FAM20C: variants seen among roughly 807,000 people sequenced by gnomAD.
FAM20C encodes extracellular serine/threonine protein kinase FAM20C.
FAM20C carries 40 observed loss-of-function variants against 51.5 expected under a neutral mutation model. The observed-to-expected ratio is 0.78, with a 90% CI of 0.60 to 1.01. FAM20C has a LOEUF of 1.01. Among genes scored for constraint, FAM20C ranks in the 50% least tolerant of loss-of-function variants. The pLI is 0.00. For synonymous variants in FAM20C, 406 were observed against 380.6 expected (o/e 1.07, Z -0.78); for missense variants, 861 against 844.7 (o/e 1.02, Z -0.24).
At chr7:205,301 A>G (rs36193272) in intron 2 of FAM20C, among the ~76,000 whole-genome samples, 24,096 of 74,128 alleles carry the variant, frequency 0.33, 3,013 homozygotes, top group East Asian at 0.36. Flanking sequence ...GACACGCACC[A>G]CCACGACGTC....
At chr7:209,945 G>A (rs57239548) in intron 3 of FAM20C, among the ~76,000 whole-genome samples, 10,107 of 152,252 alleles carry the variant, frequency 0.066, 361 homozygotes, top group African/African-American at 0.079. Flanking sequence ...GGACTCGACC[G>A]AGGGAGGTGG....
intron 3 of FAM20C, among the ~76,000 whole-genome samples, chr7:222,344 A>G (rs1787263903): frequency 6.6e-6 from 1 of 152,148 alleles, no homozygotes; most frequent in Non-Finnish European, 1.5e-5. Context: ...AGAGGAGCCC[A>G]GTGCTGCAGT....
intron 2 of FAM20C, among the ~76,000 whole-genome samples, chr7:205,354 C>T (rs377146736): frequency 5.3e-5 from 8 of 150,950 alleles, no homozygotes; most frequent in Non-Finnish European, 7.4e-5. Flanking sequence ...ACCGCCACGA[C>T]GTCAGCCTCT....
At chr7:195,843 G>A (rs1785841677) in intron 2 of FAM20C, 111 bp downstream of exon 2, 4 of 1,102,086 alleles carry the variant, frequency 3.6e-6, no homozygotes, top group Non-Finnish European at 4.7e-6. Flanking sequence ...GCTCATTACG[G>A]CAGCGTCACC....
chr7:212,411 C>T (rs974869852), intron 3 of FAM20C, among the ~76,000 whole-genome samples: 3 of 152,118 alleles, frequency 2.0e-5, no homozygotes, highest in Admixed American at 6.5e-5. Context: ...TACAGTGAGC[C>T]GAGCTGACGC....
At chr7:214,290 A>G (rs1388189530) in intron 3 of FAM20C, among the ~76,000 whole-genome samples, 1 of 151,848 alleles carries the variant, frequency 6.6e-6, no homozygotes, top group African/African-American at 2.4e-5. Context: ...ACGCCACCGC[A>G]CTCCAGCCTG....
rs573586503 is a variant in FAM20C, at chr7:258,755, G to A, written c.1505+50G>A. On this transcript the variant is annotated intron_variant, in intron 9 of 9. Transcript: ENST00000313766. Reference sequence around the variant, plus strand: ...CCAGCTCCACCCTCCTCCCTACTGCGCAGGAGACAGAGGAGGCCACAGCCT... The same window carrying A: ...CCAGCTCCACCCTCCTCCCTACTGCACAGGAGACAGAGGAGGCCACAGCCT... The A allele has an allele frequency of 8.8e-5, 132 of 1,499,338 alleles. 2 individuals are homozygous for A. Among genetic ancestry groups the A allele is most frequent in the South Asian group, 8.8e-4 (70 of 79,666 alleles). 92.9% of individuals were successfully genotyped at this position (1,499,338 alleles called of 1,614,324 possible).
At chr7:218,875 T>C in intron 3 of FAM20C, among the ~76,000 whole-genome samples, 1 of 145,610 alleles carries the variant, frequency 6.9e-6, no homozygotes, top group Non-Finnish European at 1.5e-5. Flanking sequence ...ATCACTCCTG[T>C]CCGGCCGGGA....
chr7:216,569 C>T (rs28485819), intron 3 of FAM20C, among the ~76,000 whole-genome samples: 70,175 of 151,562 alleles, frequency 0.46, 16,690 homozygotes, highest in South Asian at 0.61. Context: ...TCTCCAGAGA[C>T]ACCTGCCCTC....
At chr7:245,191 C>T (rs1788103016) in intron 3 of FAM20C, among the ~76,000 whole-genome samples, 1 of 152,228 alleles carries the variant, frequency 6.6e-6, no homozygotes, top group South Asian at 2.1e-4. Flanking sequence ...GTGACCGGGG[C>T]GGCGTCTGTA....
intron 2 of FAM20C, among the ~76,000 whole-genome samples, chr7:203,562 C>A (rs1016032451): frequency 6.6e-6 from 1 of 152,232 alleles, no homozygotes; most frequent in Non-Finnish European, 1.5e-5. Context: ...GAGACTGTAT[C>A]TGATTTTAGA....
intron 2 of FAM20C, among the ~76,000 whole-genome samples, chr7:206,625 C>T (rs1444415347): frequency 6.8e-6 from 1 of 147,108 alleles, no homozygotes; most frequent in Non-Finnish European, 1.5e-5. Flanking sequence ...TGTCATGGTC[C>T]CCTCGGCCCC....
intron 3 of FAM20C, among the ~76,000 whole-genome samples, chr7:223,309 C>T (rs540841254): frequency 1.2e-4 from 19 of 152,284 alleles, no homozygotes; most frequent in African/African-American, 3.4e-4. Flanking sequence ...GCAGGCTCCA[C>T]GGCGGGTGGG....
intron 3 of FAM20C, among the ~76,000 whole-genome samples, chr7:230,295 G>A (rs956722112): frequency 6.9e-6 from 1 of 143,958 alleles, no homozygotes; most frequent in Non-Finnish European, 1.5e-5. Context: ...AGGCAAGAAG[G>A]ATCCTCCCTA....
chr7:202,383 G>A (rs1273430793), intron 2 of FAM20C, among the ~76,000 whole-genome samples: 3 of 148,988 alleles, frequency 2.0e-5, no homozygotes, highest in African/African-American at 2.5e-5. Flanking sequence ...AATGGGGCCC[G>A]TGGACATCTT....
At chr7:193,878 GC>G in intron 1 of FAM20C, 74 bp downstream of exon 1, 1 of 1,473,696 alleles carries the variant, frequency 6.8e-7, no homozygotes, top group Non-Finnish European at 9.0e-7. Flanking sequence ...AGGTTCAGGG[GC>G]CCCAGAGGGC....
At chr7:211,525 T>C (rs551918434) in intron 3 of FAM20C, among the ~76,000 whole-genome samples, 27 of 151,756 alleles carry the variant, frequency 1.8e-4, no homozygotes, top group African/African-American at 6.5e-4. Flanking sequence ...GGACCTCCCA[T>C]GGTCCTGCAG....
intron 2 of FAM20C, among the ~76,000 whole-genome samples, chr7:206,920 G>A (rs866091201): frequency 6.5e-5 from 3 of 46,340 alleles, no homozygotes; most frequent in Non-Finnish European, 1.2e-4. Flanking sequence ...CTGTCCCCTC[G>A]GCCCCGCACA....
chr7:247,331 G>A (rs2115148420), intron 4 of FAM20C, among the ~76,000 whole-genome samples: 1 of 152,296 alleles, frequency 6.6e-6, no homozygotes, highest in African/African-American at 2.4e-5. Context: ...TGGATTGAAG[G>A]ACCTTGCCCT....
Sources: allele counts gnomAD v4.1 joint callset (sites outside exome capture counted in the v4.1 genomes callset), GRCh38; gene constraint gnomAD v4.1.1; transcripts MANE v1.5; gene names NCBI Gene and HGNC (gene_info 2026-07-23, HGNC 2026-07-21).